The following PIK3R6 variants were observed in gnomAD, a reference collection of about 807,000 sequenced individuals.
PIK3R6 encodes phosphoinositide-3-kinase regulatory subunit 6, also known as phosphoinositide 3-kinase regulatory subunit 6.
PIK3R6 carries 91 observed loss-of-function variants against 84.9 expected under a neutral mutation model. The observed-to-expected ratio is 1.07, with a 90% CI of 0.90 to 1.28. The LOEUF (loss-of-function observed/expected upper bound fraction) is 1.28, where lower values mean the gene tolerates loss of function less well. Among genes scored for constraint, PIK3R6 ranks in the 50% most tolerant of loss-of-function variants. PIK3R6 has a pLI of 0.00. For synonymous variants in PIK3R6, 416 were observed against 411.4 expected, an observed-to-expected ratio of 1.01 and a Z score of -0.13; for missense variants, 996 against 985.1, an observed-to-expected ratio of 1.01 and a Z score of -0.15.
rs185223385 is a variant in PIK3R6, at chr17:8,863,123, A to G, written c.-92+4406T>C. Among the ~76,000 whole-genome samples the G allele has an allele frequency of 2.6e-4, 40 of 152,316 alleles. No homozygotes were observed. In the East Asian group the frequency reaches 7.3e-3, roughly 28 times the overall value. ...AAGTGCTATAAGAATAAAGTTGGGA[A>G]GGGGAAGGAGGGGTTCTAGAGTTGG... On this transcript the variant is annotated intron_variant, in intron 1 of 19. Transcript: ENST00000619866.
At chr17:8,814,215 C>CTATTTTTTTTTT (rs2087452874) in intron 18 of PIK3R6, among the ~76,000 whole-genome samples, 1 of 85,520 alleles carries the variant, frequency 1.2e-5, no homozygotes, top group African/African-American at 4.9e-5. Flanking sequence ...AGAGAGAGAT[C>CTATTTTTTTTTT]TTTTTTTTTT....
chr17:8,803,132 CT>C lies in PIK3R6; in HGVS notation c.*140del. On this transcript the variant is annotated 3_prime_UTR_variant, in exon 20 of 20. Coordinates refer to ENST00000619866, the MANE Select transcript of PIK3R6 (RefSeq NM_001010855.4). The surrounding 1 kb of genome is among the most constrained non-coding windows in gnomAD (Gnocchi z 5.0). Reference sequence around the variant, plus strand: ...CATCACAGTCCCCAGGGTAGGCTCCCTGTGCTCCCAGGCACTCGCTGGCTCC... The same window carrying C: ...CATCACAGTCCCCAGGGTAGGCTCCCGTGCTCCCAGGCACTCGCTGGCTCC... 9.1e-7 allele frequency: 1 copy of C among 1,098,968 alleles called. No homozygotes were observed. The allele number at this position is 1,098,968 out of a possible 1,614,324, so 68.1% of individuals were successfully genotyped here.
rs1348691743 is a variant in PIK3R6 at position 8,839,260 on chromosome 17, A to T, written c.97+354T>A. 2.6e-5 allele frequency among the ~76,000 whole-genome samples: 4 copies of T among 152,086 alleles called. No individual in the cohort carries two copies. Among genetic ancestry groups the T allele is most frequent in the Non-Finnish European group, 4.4e-5 (3 of 68,022 alleles). ...CTACTTGGGAGGCTGAGGCAGGAGG[A>T]TCGCTTGAACCAGGGAGGCAGAGGT... On this transcript the variant is annotated intron_variant, in intron 3 of 19. Transcript: ENST00000619866. This position sits in a 1 kb window ranked among gnomAD's most constrained non-coding sequence, Gnocchi z 4.2.
chr17:8,847,822 A>G (rs1291922882), intron 2 of PIK3R6, among the ~76,000 whole-genome samples: 1 of 151,838 alleles, frequency 6.6e-6, no homozygotes, highest in Non-Finnish European at 1.5e-5. Flanking sequence ...AAAAATCATA[A>G]TGTGGAAAGA....
At chr17:8,830,724 C>T (rs1015716772) in intron 9 of PIK3R6, among the ~76,000 whole-genome samples, 7 of 152,192 alleles carry the variant, frequency 4.6e-5, no homozygotes, top group Admixed American at 4.6e-4. Flanking sequence ...ACAGTGACGA[C>T]TTGAGCCCAG....
intron 1 of PIK3R6, among the ~76,000 whole-genome samples, chr17:8,857,113 A>C (rs969127753): frequency 3.3e-5 from 5 of 151,248 alleles, no homozygotes; most frequent in Admixed American, 6.6e-5. Flanking sequence ...ACTCTAGCAC[A>C]CTCTGATTTT....
chr17:8,829,693 C>T lies in PIK3R6; in HGVS notation c.889+13G>A, dbSNP rs1206323806. ...ATATACCACTGTTTCCAGACAGCTC[C>T]ATGGGCACGTACAGAGCTGCTCCTC... is the stretch of plus-strand genomic sequence containing the variant. On this transcript the variant is annotated intron_variant, in intron 10 of 19. Transcript: ENST00000619866. 3 of 1,550,428 alleles carry T rather than the reference C, an allele frequency of 1.9e-6. No individual in the cohort carries two copies. Among genetic ancestry groups the T allele is most frequent in the Non-Finnish European group, 2.6e-6 (3 of 1,146,000 alleles).
intron 10 of PIK3R6, among the ~76,000 whole-genome samples, 194 bp from the exon 11 acceptor site, chr17:8,829,184 GAC>G (rs1423522309): frequency 7.7e-6 from 1 of 129,706 alleles, no homozygotes; most frequent in African/African-American, 3.2e-5. Context: ...TACAGACACA[GAC>G]AGACATACAC....
At chr17:8,819,531 C>T (rs2087648492) in intron 17 of PIK3R6, among the ~76,000 whole-genome samples, 1 of 151,826 alleles carries the variant, frequency 6.6e-6, no homozygotes, top group African/African-American at 2.4e-5. Flanking sequence ...CTTCCTGCAG[C>T]TCTTGGGCAT....
intron 1 of PIK3R6, among the ~76,000 whole-genome samples, chr17:8,863,754 C>T (rs901130074): frequency 1.3e-5 from 2 of 152,164 alleles, no homozygotes; most frequent in African/African-American, 4.8e-5. Context: ...AGAATAGCCT[C>T]GATCTCCTGA....
At chr17:8,821,692 C>G (rs1439332690) in intron 17 of PIK3R6, among the ~76,000 whole-genome samples, 154 bp downstream of exon 17, 1 of 152,180 alleles carries the variant, frequency 6.6e-6, no homozygotes, top group Non-Finnish European at 1.5e-5. Flanking sequence ...GGTGACCCGA[C>G]AGCAAGCAAC....
rs2089427118 is a variant in PIK3R6 at position 8,866,982 on chromosome 17, C to T, written c.-92+547G>A. ...AGACCAGCATGACTTTCACCAAATT[C>T]CCCAGGAAAGTGATGGGCAGATGAT... On this transcript the variant is annotated intron_variant, in intron 1 of 19. Transcript: ENST00000619866. Among the ~76,000 whole-genome samples, 3 of 152,138 alleles carry T rather than the reference C, an allele frequency of 2.0e-5. No individual in the cohort carries two copies. In the South Asian group the frequency reaches 6.2e-4, roughly 31 times the overall value.
At chr17:8,834,057 T>C (rs1340135056) in intron 8 of PIK3R6, among the ~76,000 whole-genome samples, 1 of 147,206 alleles carries the variant, frequency 6.8e-6, no homozygotes, top group Non-Finnish European at 1.5e-5. Context: ...TCAGAGAGGC[T>C]GAGGCAGGAG....
chr17:8,848,186 C>G (rs539890712), intron 2 of PIK3R6, among the ~76,000 whole-genome samples: 8 of 152,326 alleles, frequency 5.3e-5, no homozygotes, highest in Non-Finnish European at 1.0e-4. Context: ...TTTCTGGTGT[C>G]TGGTGCTTCA....
intron 8 of PIK3R6, among the ~76,000 whole-genome samples, chr17:8,835,055 C>A (rs2088404759): frequency 6.6e-6 from 1 of 152,186 alleles, no homozygotes; most frequent in African/African-American, 2.4e-5. Context: ...CCAGGCTGGT[C>A]TTGAACTCCT....
In PIK3R6 at chr17:8,803,108, A is replaced by C. The variant is rs934010115; in HGVS notation, c.*165T>G. 2.8e-5 allele frequency: 23 copies of C among 818,780 alleles called. No individual in the cohort carries two copies. The South Asian group carries it at 3.9e-4, about 14-fold the overall frequency. 50.7% of individuals were successfully genotyped at this position (818,780 alleles called of 1,614,324 possible). A position where few individuals can be genotyped will look rare whatever the true frequency, so the allele number is the denominator to read the frequency against. Reference sequence around the variant, plus strand: ...TAGACCTCCATGTGGGCCCTTCCTCATCACAGTCCCCAGGGTAGGCTCCCT... The same window carrying C: ...TAGACCTCCATGTGGGCCCTTCCTCCTCACAGTCCCCAGGGTAGGCTCCCT... On this transcript the variant is annotated 3_prime_UTR_variant, in exon 20 of 20. Coordinates refer to ENST00000619866, the MANE Select transcript of PIK3R6 (RefSeq NM_001010855.4). This position sits in a 1 kb window ranked among gnomAD's most constrained non-coding sequence, Gnocchi z 5.0.
intron 2 of PIK3R6, among the ~76,000 whole-genome samples, chr17:8,843,047 C>T (rs1390500724): frequency 2.0e-5 from 3 of 152,174 alleles, no homozygotes; most frequent in African/African-American, 4.8e-5. Flanking sequence ...CCTGAATCTC[C>T]TCCAGGCTGA....
intron 10 of PIK3R6, among the ~76,000 whole-genome samples, chr17:8,829,411 CAG>C (rs1428289069): frequency 3.4e-5 from 5 of 146,414 alleles, no homozygotes; most frequent in Admixed American, 3.4e-4. Context: ...CACATACACA[CAG>C]ACACACTGAC....
intron 2 of PIK3R6, among the ~76,000 whole-genome samples, 172 bp downstream of exon 2, chr17:8,849,610 A>G (rs558406551): frequency 6.6e-6 from 1 of 152,330 alleles, no homozygotes; most frequent in South Asian, 2.1e-4. Context: ...AAGTGTGTAG[A>G]TGTCCAACTC....
Sources: gnomAD v4.1 joint callset for allele counts (sites outside exome capture counted in the v4.1 genomes callset) on GRCh38, gnomAD v4.1.1 for gene constraint, Gnocchi (gnomAD v3.1) non-coding constraint, MANE v1.5 for transcripts, NCBI Gene and HGNC (gene_info 2026-07-23, HGNC 2026-07-21) for gene names.